The following PTPRO variants were observed in gnomAD, a reference collection of about 807,000 sequenced individuals.
PTPRO encodes the protein protein tyrosine phosphatase receptor type O.
Under a neutral mutation model 145.2 loss-of-function variants are expected in PTPRO, and 62 were observed. That is an observed-to-expected ratio of 0.43 (90% CI 0.35 to 0.53). PTPRO has a LOEUF of 0.53. PTPRO is among the 20% of genes least tolerant of loss of function. PTPRO has a pLI of 0.01. For synonymous variants in PTPRO, 565 were observed against 514.7 expected (o/e 1.10, Z -1.32); for missense variants, 1,345 against 1,482.7 (o/e 0.91, Z 1.53).
At chr12:15,340,422 G>C (rs1866937224) in intron 1 of PTPRO, among the ~76,000 whole-genome samples, 1 of 152,118 alleles carries the variant, frequency 6.6e-6, no homozygotes, top group South Asian at 2.1e-4. Context: ...AATGGGGTAG[G>C]GATCACTCCT....
At chr12:15,325,919 ATTTC>A (rs1388642682) in intron 1 of PTPRO, among the ~76,000 whole-genome samples, 1 of 152,074 alleles carries the variant, frequency 6.6e-6, no homozygotes, top group Non-Finnish European at 1.5e-5. Flanking sequence ...CCTTCTCTCT[ATTTC>A]TTTCTATTTC....
chr12:15,364,224 G>C (rs1938292436), intron 1 of PTPRO, among the ~76,000 whole-genome samples: 1 of 152,156 alleles, frequency 6.6e-6, no homozygotes, highest in South Asian at 2.1e-4. Flanking sequence ...AAAGCATAAA[G>C]AGTGAAACAT....
chr12:15,577,197 A>G (rs1944205501), intron 19 of PTPRO, among the ~76,000 whole-genome samples: 1 of 152,238 alleles, frequency 6.6e-6, no homozygotes, highest in Admixed American at 6.5e-5. Flanking sequence ...ACTGACATCA[A>G]CTTAGTCCAA....
chr12:15,580,954 C>A, intron 22 of PTPRO, 123 bp downstream of exon 22: 1 of 1,344,252 alleles, frequency 7.4e-7, no homozygotes. Context: ...AAATTTAAAA[C>A]ATTGTATTCG....
chr12:15,473,640 AC>A (rs1428679535), intron 1 of PTPRO, among the ~76,000 whole-genome samples: 2 of 151,698 alleles, frequency 1.3e-5, no homozygotes, highest in African/African-American at 4.8e-5. Context: ...TGTGGTGGGC[AC>A]CTGTAATCCC....
intron 1 of PTPRO, among the ~76,000 whole-genome samples, chr12:15,370,085 G>C (rs968416399): frequency 6.6e-6 from 1 of 152,080 alleles, no homozygotes; most frequent in African/African-American, 2.4e-5. Flanking sequence ...TCCTCCTCAA[G>C]GAAGTGTATG....
At chr12:15,426,986 T>A (rs1333279997) in intron 1 of PTPRO, among the ~76,000 whole-genome samples, 1 of 152,066 alleles carries the variant, frequency 6.6e-6, no homozygotes, top group East Asian at 1.9e-4. Flanking sequence ...ATCAGACCAA[T>A]ATTTTTCAAT....
chr12:15,396,191 T>C (rs552280385), intron 1 of PTPRO, among the ~76,000 whole-genome samples: 154 of 152,298 alleles, frequency 1.0e-3, no homozygotes, highest in South Asian at 8.9e-3. Context: ...GTTGTGAAGA[T>C]GTGTGTGAAT....
In PTPRO at chr12:15,501,911, C is replaced by T. The variant is rs368231577; in HGVS notation, c.953C>T (p.Pro318Leu). The change falls in exon 5 of 27, where the codon CCC (proline) becomes CTC (leucine). Residue 318 changes from proline (P) to leucine (L), a missense_variant. By Grantham distance (98) the Pro-to-Leu change is moderately conservative. This residue lies in a region of PTPRO where 1,130 missense variants were observed against 1,214.7 expected (regional missense o/e 0.93). Coordinates refer to ENST00000281171, the MANE Select transcript of PTPRO (RefSeq NM_030667.3). ...GAAGATGAATTTGTCAGCGTACTTC[C>T]CATGGAATACGAAAATAACAGTACA... ...ESEDEFVSVL[P>L]MEYENNSTLS... 6.6e-5 allele frequency: 106 copies of T among 1,614,002 alleles called. No individual in the cohort carries two copies. The Middle Eastern group carries it at 8.3e-4, about 13-fold the overall frequency.
At chr12:15,556,398 G>A (rs184521919) in intron 15 of PTPRO, among the ~76,000 whole-genome samples, 28 of 151,654 alleles carry the variant, frequency 1.8e-4, no homozygotes, top group East Asian at 1.2e-3. Context: ...CATTAATTCC[G>A]TATAAAGAAA....
chr12:15,587,939 T>C (rs996033597), intron 24 of PTPRO, among the ~76,000 whole-genome samples: 5 of 152,202 alleles, frequency 3.3e-5, no homozygotes, highest in Non-Finnish European at 7.3e-5. Context: ...AGTATATGTG[T>C]GCATTCATGT....
chr12:15,503,723 TG>T (rs1445765416), intron 5 of PTPRO, among the ~76,000 whole-genome samples, 184 bp from the exon 6 acceptor site: 5 of 152,190 alleles, frequency 3.3e-5, no homozygotes, highest in African/African-American at 4.8e-5. Flanking sequence ...TTTGGAAGAC[TG>T]TAAAAATACT....
At chr12:15,452,882 C>T (rs1419015810) in intron 1 of PTPRO, among the ~76,000 whole-genome samples, 1 of 152,110 alleles carries the variant, frequency 6.6e-6, no homozygotes, top group African/African-American at 2.4e-5. Flanking sequence ...TCTTTTCTGA[C>T]TCTTTAATAG....
chr12:15,330,839 T>G (rs1866588615), intron 1 of PTPRO, among the ~76,000 whole-genome samples: 1 of 152,200 alleles, frequency 6.6e-6, no homozygotes, highest in African/African-American at 2.4e-5. Flanking sequence ...CTTGATCGCT[T>G]TGGCTAGTCC....
At chr12:15,432,229 C>T (rs868216395) in intron 1 of PTPRO, among the ~76,000 whole-genome samples, 13 of 152,286 alleles carry the variant, frequency 8.5e-5, no homozygotes, top group Middle Eastern at 3.4e-3. Context: ...ATTTAGCCCC[C>T]ACTTGTAAGT....
chr12:15,520,614 T>C (rs1018376689), intron 10 of PTPRO, among the ~76,000 whole-genome samples: 1 of 152,210 alleles, frequency 6.6e-6, no homozygotes, highest in Non-Finnish European at 1.5e-5. Context: ...GGCACAGCCA[T>C]CAGCTTCACA....
intron 1 of PTPRO, among the ~76,000 whole-genome samples, chr12:15,332,297 C>T (rs1225266172): frequency 6.6e-6 from 1 of 152,054 alleles, no homozygotes; most frequent in African/African-American, 2.4e-5. Context: ...TAAATGTAAC[C>T]TTAAGGATAA....
At position 15,455,948 on chromosome 12, in the gene PTPRO, A is replaced by C. The variant is rs183835552; in HGVS notation, c.76-28026A>C. Among the ~76,000 whole-genome samples the C allele has an allele frequency of 2.6e-5, 4 of 152,316 alleles. No homozygotes were observed. The East Asian group carries it at 5.8e-4, about 22-fold the overall frequency. Reference sequence around the variant, plus strand: ...TGCAGCAAACCACCATGGTACGTGTATACCTATGTAACAAACTTGCACGTT... The same window carrying C: ...TGCAGCAAACCACCATGGTACGTGTCTACCTATGTAACAAACTTGCACGTT... On this transcript the variant is annotated intron_variant, in intron 1 of 26. Coordinates refer to ENST00000281171, the MANE Select transcript of PTPRO (RefSeq NM_030667.3).
chr12:15,352,665 A>AAAAAG (rs1937848746), intron 1 of PTPRO, among the ~76,000 whole-genome samples: 2 of 94,936 alleles, frequency 2.1e-5, no homozygotes, highest in African/African-American at 6.1e-5. Context: ...AAAAAAAAAA[A>AAAAAG]AAAGAAAGAA....
Sources: allele counts gnomAD v4.1 joint callset (sites outside exome capture counted in the v4.1 genomes callset), GRCh38; gene constraint gnomAD v4.1.1; regional missense constraint gnomAD v4.1.1; transcripts MANE v1.5; gene names NCBI Gene and HGNC (gene_info 2026-07-23, HGNC 2026-07-21).